The following MAML3 variants were observed in gnomAD, a reference collection of about 807,000 sequenced individuals.
The protein encoded by MAML3 is mastermind like transcriptional coactivator 3.
In MAML3, 27 loss-of-function variants were observed where a neutral mutation model predicts 101.9. The observed-to-expected ratio is 0.27, with a 90% CI of 0.20 to 0.37. The LOEUF (loss-of-function observed/expected upper bound fraction) is 0.37. MAML3 is among the 10% of genes least tolerant of loss of function. The pLI, the probability that MAML3 is intolerant of heterozygous loss-of-function variation, is 1.00. For synonymous variants in MAML3, 501 were observed against 555.9 expected, an observed-to-expected ratio of 0.90 and a Z score of 1.39; for missense variants, 1,316 against 1,444.9, an observed-to-expected ratio of 0.91 and a Z score of 1.45.
At chr4:139,913,477 C>G (rs565592811) in intron 1 of MAML3, among the ~76,000 whole-genome samples, 122 of 152,160 alleles carry the variant, frequency 8.0e-4, no homozygotes, top group Non-Finnish European at 1.2e-3. Context: ...GATAAAAAAT[C>G]CAATTATTTT....
chr4:139,829,268 GAAAGA>G (rs1363821378), intron 2 of MAML3, among the ~76,000 whole-genome samples: 1 of 151,828 alleles, frequency 6.6e-6, no homozygotes, highest in East Asian at 1.9e-4. Flanking sequence ...AAGGAAGAAA[GAAAGA>G]AAAGAAAAAA....
chr4:140,109,496 C>T (rs1393525893), intron 1 of MAML3, among the ~76,000 whole-genome samples: 2 of 152,188 alleles, frequency 1.3e-5, no homozygotes, highest in African/African-American at 4.8e-5. Context: ...TGCATTAACA[C>T]AGTAGATCAA....
chr4:139,858,290 T>G (rs1314596745), intron 2 of MAML3, among the ~76,000 whole-genome samples: 1 of 152,120 alleles, frequency 6.6e-6, no homozygotes, highest in African/African-American at 2.4e-5. Context: ...GTGAAGATCT[T>G]TTTAGATCTC....
intron 2 of MAML3, among the ~76,000 whole-genome samples, chr4:139,874,317 A>G (rs1732067813): frequency 1.3e-5 from 2 of 152,164 alleles, no homozygotes; most frequent in African/African-American, 4.8e-5. Flanking sequence ...ACTTTAAAAT[A>G]TGAAAAATAA....
chr4:140,042,225 C>T (rs1001304900), intron 1 of MAML3, among the ~76,000 whole-genome samples: 7 of 152,152 alleles, frequency 4.6e-5, no homozygotes, highest in African/African-American at 1.7e-4. Context: ...AAGCTATGCT[C>T]GCTGTTTGTA....
intron 1 of MAML3, among the ~76,000 whole-genome samples, chr4:140,020,428 G>A (rs1194147288): frequency 6.6e-6 from 1 of 150,384 alleles, no homozygotes; most frequent in African/African-American, 2.4e-5. Flanking sequence ...TTTTGTTTGT[G>A]CATTTGGTCA....
At chr4:139,857,200 AAGAT>A (rs1731676571) in intron 2 of MAML3, among the ~76,000 whole-genome samples, 1 of 152,184 alleles carries the variant, frequency 6.6e-6, no homozygotes, top group Non-Finnish European at 1.5e-5. Flanking sequence ...GAGATTAAGA[AAGAT>A]AAACAGTAAG....
intron 2 of MAML3, among the ~76,000 whole-genome samples, chr4:139,842,761 C>G (rs1464168359): frequency 1.6e-5 from 1 of 64,474 alleles, no homozygotes; most frequent in Non-Finnish European, 2.9e-5. Flanking sequence ...TATCCGCTTG[C>G]CTTTTTTTTT....
chr4:139,957,925 A>G (rs966807749), intron 1 of MAML3, among the ~76,000 whole-genome samples: 2 of 152,258 alleles, frequency 1.3e-5, no homozygotes, highest in South Asian at 2.1e-4. Context: ...GACACAGAAG[A>G]TCATTAATTA....
chr4:140,008,715 G>A (rs1017106898), intron 1 of MAML3, among the ~76,000 whole-genome samples: 1 of 151,942 alleles, frequency 6.6e-6, no homozygotes, highest in Non-Finnish European at 1.5e-5. Context: ...AAATTTATGA[G>A]AATGGAAAAA....
chr4:139,725,850 C>T lies in MAML3; in HGVS notation c.2332-15G>A, dbSNP rs1484667335. On this transcript the variant is annotated splice_polypyrimidine_tract_variant and intron_variant, in intron 3 of 4. Coordinates refer to ENST00000509479, the MANE Select transcript of MAML3 (RefSeq NM_018717.5). Reference sequence around the variant, plus strand: ...TGCTGCAACTGCTAGAACAACAGAACACAAGAGGGGTGGAGAGGTGAGATA... The same window carrying T: ...TGCTGCAACTGCTAGAACAACAGAATACAAGAGGGGTGGAGAGGTGAGATA... 2.5e-6 allele frequency: 4 copies of T among 1,611,188 alleles called. No homozygotes were observed. In the South Asian group the frequency reaches 4.4e-5, roughly 18 times the overall value.
At chr4:140,043,670 G>A (rs1401985299) in intron 1 of MAML3, among the ~76,000 whole-genome samples, 4 of 152,220 alleles carry the variant, frequency 2.6e-5, no homozygotes, top group Non-Finnish European at 4.4e-5. Flanking sequence ...GAGCTTACAC[G>A]GGTACACACA....
intron 2 of MAML3, among the ~76,000 whole-genome samples, chr4:139,773,725 C>T (rs1248659053): frequency 2.0e-5 from 3 of 152,136 alleles, no homozygotes; most frequent in Non-Finnish European, 4.4e-5. Flanking sequence ...TCTGTGGAGT[C>T]TGAATTATCT....
In MAML3 at chr4:139,719,176, C is replaced by T. The variant is rs1728117921; in HGVS notation, c.*147G>A. 1 of 890,834 alleles carries T rather than the reference C, an allele frequency of 1.1e-6. No homozygotes were observed. The highest frequency in any genetic ancestry group is 1.7e-5 in the African/African-American group (1 of 59,134). 55.2% of individuals were successfully genotyped at this position (890,834 alleles called of 1,614,324 possible). On this transcript the variant is annotated 3_prime_UTR_variant, in exon 5 of 5. Transcript: ENST00000509479. Reference sequence around the variant, plus strand: ...GGCCTGGTGGGGCTGTGGATTGGCACCTGGATCTTCCATTGTCAGCCAGCT... The same window carrying T: ...GGCCTGGTGGGGCTGTGGATTGGCATCTGGATCTTCCATTGTCAGCCAGCT...
At chr4:140,019,687 G>A (rs1248988917) in intron 1 of MAML3, among the ~76,000 whole-genome samples, 3 of 152,166 alleles carry the variant, frequency 2.0e-5, no homozygotes, top group Non-Finnish European at 4.4e-5. Context: ...TCATCTAAGA[G>A]GTGTCTCCTG....
At chr4:140,057,602 T>C (rs1727370898) in intron 1 of MAML3, among the ~76,000 whole-genome samples, 1 of 152,210 alleles carries the variant, frequency 6.6e-6, no homozygotes, top group Non-Finnish European at 1.5e-5. Flanking sequence ...TCCTGTATTC[T>C]TAAACAGAAA....
rs774728913 is a variant in MAML3 at position 139,890,338 on chromosome 4, G to A, written c.1098C>T (p.Phe366=). 27 of 1,608,536 alleles carry A rather than the reference G, an allele frequency of 1.7e-5. No homozygotes were observed. The highest frequency in any genetic ancestry group is 1.2e-4 in the Admixed American group (7 of 59,688). ...GGGGAGATCCCATGGAGACATGTGCGAAGGGAGAGTGAGAGGGGTCGCTCT... is the reference window on the plus strand; with the variant it reads ...GGGGAGATCCCATGGAGACATGTGCAAAGGGAGAGTGAGAGGGGTCGCTCT... ...SVKSDPSHSP[F]AHVSMGSPQA... is the part of the protein sequence containing the mutation. Residue 366 remains phenylalanine (F), a synonymous_variant, in exon 2 of 5, where the codon TTC becomes TTT. Transcript: ENST00000509479. The surrounding 1 kb of genome is among the most constrained non-coding windows in gnomAD (Gnocchi z 4.1).
intron 2 of MAML3, among the ~76,000 whole-genome samples, chr4:139,873,084 AAAATAAATAAAT>A (rs576589955): frequency 1.3e-3 from 193 of 152,016 alleles, no homozygotes; most frequent in Admixed American, 2.2e-3. Flanking sequence ...TCCATCTCAA[AAAATAAATAAAT>A]AAATAAATAA....
At position 139,728,320 on chromosome 4, in the gene MAML3, A is replaced by C. The variant is rs1579366086; in HGVS notation, c.2331+2096T>G. On this transcript the variant is annotated intron_variant, in intron 3 of 4. Coordinates refer to ENST00000509479, the MANE Select transcript of MAML3 (RefSeq NM_018717.5). ...TCCTCAGGTACAGGCAAGACGCTCC[A>C]CTGACCTGGCTGGGCCATGTGGCTG... 2.6e-5 allele frequency among the ~76,000 whole-genome samples: 4 copies of C among 152,338 alleles called. No individual in the cohort carries two copies. The East Asian group carries it at 7.7e-4, about 29-fold the overall frequency.
Sources: allele counts gnomAD v4.1 joint callset (sites outside exome capture counted in the v4.1 genomes callset), GRCh38; gene constraint gnomAD v4.1.1; non-coding constraint Gnocchi (gnomAD v3.1); transcripts MANE v1.5; gene names NCBI Gene and HGNC (gene_info 2026-07-23, HGNC 2026-07-21).